Variants in EPB41L5 observed in about 807,000 individuals in gnomAD.
EPB41L5 encodes band 4.1-like protein 5.
In EPB41L5, 55 loss-of-function variants were observed where a neutral mutation model predicts 106.6. That is an observed-to-expected ratio of 0.52 (90% CI 0.42 to 0.65). The LOEUF (loss-of-function observed/expected upper bound fraction) is 0.65. EPB41L5 is among the 30% of genes least tolerant of loss of function. The pLI, the probability that EPB41L5 is intolerant of heterozygous loss-of-function variation, is 0.00. For missense variants in EPB41L5, 871 were observed against 882.1 expected (o/e 0.99, Z 0.16); for synonymous variants, 297 against 306.7 (o/e 0.97, Z 0.33).
At chr2:120,079,431 A>G (rs1400779397) in intron 10 of EPB41L5, among the ~76,000 whole-genome samples, 1 of 152,128 alleles carries the variant, frequency 6.6e-6, no homozygotes, top group African/African-American at 2.4e-5. Flanking sequence ...TAACTGCTGA[A>G]TGCCATCCCC....
intron 18 of EPB41L5, among the ~76,000 whole-genome samples, chr2:120,140,743 C>T (rs2105489284): frequency 6.6e-6 from 1 of 152,012 alleles, no homozygotes; most frequent in East Asian, 1.9e-4. Flanking sequence ...TACTTTTAGT[C>T]CCAAGCACTT....
chr2:120,067,043 C>T (rs1387133454), intron 3 of EPB41L5, among the ~76,000 whole-genome samples: 2 of 152,154 alleles, frequency 1.3e-5, no homozygotes, highest in Non-Finnish European at 2.9e-5. Context: ...CCTATTCGGC[C>T]ATCTTGCCAG....
At chr2:120,127,520 A>T (rs1425009727) in intron 16 of EPB41L5, among the ~76,000 whole-genome samples, 168 bp from the exon 17 acceptor site, 3 of 152,318 alleles carry the variant, frequency 2.0e-5, no homozygotes, top group African/African-American at 7.2e-5. Flanking sequence ...AATAGTTGTT[A>T]AACTGTATTT....
At chr2:120,060,153 A>T (rs1348288573) in intron 3 of EPB41L5, among the ~76,000 whole-genome samples, 1 of 152,178 alleles carries the variant, frequency 6.6e-6, no homozygotes, top group Non-Finnish European at 1.5e-5. Flanking sequence ...TCTCTTATAC[A>T]TTGTTGTTGG....
At chr2:120,163,067 C>T (rs1463765054) in intron 21 of EPB41L5, among the ~76,000 whole-genome samples, 2 of 152,018 alleles carry the variant, frequency 1.3e-5, no homozygotes, top group Non-Finnish European at 2.9e-5. Context: ...GACTGGGCAA[C>T]ATAGGGAGAC....
At chr2:120,073,261 A>AG (rs766410095) in intron 4 of EPB41L5, 41 bp downstream of exon 4, 1 of 1,453,408 alleles carries the variant, frequency 6.9e-7, no homozygotes, top group Non-Finnish European at 9.5e-7. Context: ...GAAAGGAAAT[A>AG]GAATATATTA....
intron 16 of EPB41L5, chr2:120,106,576 AG>A: frequency 1.0e-6 from 1 of 985,386 alleles, no homozygotes; most frequent in Non-Finnish European, 1.2e-6. Context: ...TTTTGATCAA[AG>A]GGTGTCATCA....
intron 2 of EPB41L5, among the ~76,000 whole-genome samples, chr2:120,032,426 T>C (rs1468416396): frequency 3.3e-5 from 5 of 152,122 alleles, no homozygotes; most frequent in African/African-American, 7.2e-5. Flanking sequence ...GGCTGTGATA[T>C]GTAATAATAA....
chr2:120,151,862 C>T (rs1227385992), intron 20 of EPB41L5, among the ~76,000 whole-genome samples: 2 of 152,062 alleles, frequency 1.3e-5, no homozygotes, highest in Non-Finnish European at 2.9e-5. Context: ...GGTAATCGGC[C>T]CGCCTCGGCC....
intron 3 of EPB41L5, among the ~76,000 whole-genome samples, chr2:120,048,541 C>G (rs1679988381): frequency 6.7e-6 from 1 of 150,120 alleles, no homozygotes; most frequent in Non-Finnish European, 1.5e-5. Flanking sequence ...CTATTTGATT[C>G]TTCTGTCTAT....
intron 16 of EPB41L5, among the ~76,000 whole-genome samples, chr2:120,119,535 G>A (rs2105444613): frequency 6.6e-6 from 1 of 152,078 alleles, no homozygotes; most frequent in East Asian, 1.9e-4. Context: ...TTTTGTATAT[G>A]GTATAAGGAA....
chr2:120,155,386 T>A (rs1460249541), intron 20 of EPB41L5, among the ~76,000 whole-genome samples: 1 of 152,230 alleles, frequency 6.6e-6, no homozygotes, highest in African/African-American at 2.4e-5. Context: ...CTTATGAGGA[T>A]CCTTGTACAT....
intron 10 of EPB41L5, among the ~76,000 whole-genome samples, chr2:120,086,536 C>A (rs374113068): frequency 6.6e-6 from 1 of 151,970 alleles, no homozygotes; most frequent in Non-Finnish European, 1.5e-5. Flanking sequence ...CCAGGGTATG[C>A]GGATCACTTG....
At chr2:120,077,196 T>G (rs766972487) in intron 8 of EPB41L5, 33 bp from the exon 9 acceptor site, 8 of 1,585,366 alleles carry the variant, frequency 5.0e-6, no homozygotes, top group Non-Finnish European at 6.9e-6. Context: ...TTATATTTAT[T>G]GTTACTTTAA....
intron 1 of EPB41L5, among the ~76,000 whole-genome samples, chr2:120,015,244 G>A (rs1042906172): frequency 6.6e-6 from 1 of 151,540 alleles, no homozygotes; most frequent in East Asian, 1.9e-4. Context: ...GAAGAATGGC[G>A]TAAACCCGGG....
At chr2:120,118,458 A>C (rs1186058631) in intron 16 of EPB41L5, among the ~76,000 whole-genome samples, 1 of 152,058 alleles carries the variant, frequency 6.6e-6, no homozygotes, top group Non-Finnish European at 1.5e-5. Context: ...TCATACCATC[A>C]CCTGGGTATT....
intron 2 of EPB41L5, among the ~76,000 whole-genome samples, chr2:120,036,639 G>C (rs904347014): frequency 2.6e-5 from 4 of 152,088 alleles, no homozygotes; most frequent in African/African-American, 9.7e-5. Flanking sequence ...AAAAAGAAAA[G>C]TCTAATAAAT....
At position 120,119,807 on chromosome 2, in the gene EPB41L5, T is replaced by C. The variant is rs1196073640; in HGVS notation, c.1338-7881T>C. On this transcript the variant is annotated intron_variant, in intron 16 of 24. Coordinates refer to ENST00000263713, the MANE Select transcript of EPB41L5 (RefSeq NM_020909.4). ...AAGTCAATATCCACAATTAGCATAA[T>C]CAAATACGTGTCTATTTGAGACAAT... 3.3e-5 allele frequency among the ~76,000 whole-genome samples: 5 copies of C among 152,204 alleles called. No individual in the cohort carries two copies. In the East Asian group the frequency reaches 7.7e-4, roughly 23 times the overall value.
chr2:120,129,743 GT>G (rs1415905439), intron 17 of EPB41L5, among the ~76,000 whole-genome samples: 1 of 152,170 alleles, frequency 6.6e-6, no homozygotes, highest in East Asian at 1.9e-4. Context: ...CAAAGAATTT[GT>G]TTTATGGCAC....
Sources: allele counts gnomAD v4.1 joint callset (sites outside exome capture counted in the v4.1 genomes callset), GRCh38; gene constraint gnomAD v4.1.1; transcripts MANE v1.5; gene names NCBI Gene and HGNC (gene_info 2026-07-23, HGNC 2026-07-21).